CREB5: variants seen among roughly 807,000 people sequenced by gnomAD.
CREB5 encodes the protein cAMP responsive element binding protein 5.
In CREB5, 19 loss-of-function variants were observed where a neutral mutation model predicts 57.1. The ratio of observed to expected loss-of-function variants is 0.33; its 90% CI spans 0.23 to 0.49. The LOEUF is 0.49. Ranked by LOEUF, CREB5 falls within the 20% of genes least tolerant of loss-of-function variation. CREB5 has a pLI of 0.99. For missense variants in CREB5, 579 were observed against 671.6 expected (o/e 0.86, Z 1.52); for synonymous variants, 238 against 238.3 (o/e 1.00, Z 0.01).
At chr7:28,299,845 C>T (rs1785069286) in intron 1 of CREB5, among the ~76,000 whole-genome samples, 1 of 152,282 alleles carries the variant, frequency 6.6e-6, no homozygotes, top group South Asian at 2.1e-4. Flanking sequence ...CTAATATACA[C>T]ATTGGATAAT....
Position 28,373,327 on chromosome 7 carries a change from G to T in CREB5, c.-25+73886G>T, listed in dbSNP as rs184364061. ...AGAAGTATATTAGAAATTGCTGTTT[G>T]TTTGGTTTTTTAAATGGTACACATT... On this transcript the variant is annotated intron_variant, in intron 1 of 9. Transcript: ENST00000396299. Among the ~76,000 whole-genome samples the T allele has an allele frequency of 1.1e-3, 166 of 152,220 alleles. 1 individual carries two copies. Among genetic ancestry groups the T allele is most frequent in the African/African-American group, 3.8e-3 (159 of 41,532 alleles).
At chr7:28,784,254 G>A (rs1807174823) in intron 7 of CREB5, among the ~76,000 whole-genome samples, 2 of 152,232 alleles carry the variant, frequency 1.3e-5, no homozygotes, top group Admixed American at 6.5e-5. Context: ...GAGAGAGACA[G>A]CTTGACACAG....
chr7:28,587,401 C>G (rs969476774), intron 5 of CREB5, among the ~76,000 whole-genome samples: 1 of 152,110 alleles, frequency 6.6e-6, no homozygotes, highest in African/African-American at 2.4e-5. Context: ...CTCAGCCTCA[C>G]CTCACCATTG....
chr7:28,551,984 TC>T (rs1229103840), intron 4 of CREB5, among the ~76,000 whole-genome samples: 5 of 86,624 alleles, frequency 5.8e-5, no homozygotes, highest in African/African-American at 2.6e-4. Context: ...TTTCTCTCTC[TC>T]TTTCTCTCTT....
intron 7 of CREB5, among the ~76,000 whole-genome samples, chr7:28,729,736 G>GAAT (rs3831525): frequency 0.4 from 60,275 of 151,902 alleles, 12,180 homozygotes; most frequent in Middle Eastern, 0.44. Context: ...AGCAATGAAT[G>GAAT]AATAGGCTGT....
intron 3 of CREB5, among the ~76,000 whole-genome samples, chr7:28,500,985 A>G (rs1410476891): frequency 1.3e-5 from 2 of 152,088 alleles, no homozygotes; most frequent in Non-Finnish European, 2.9e-5. Context: ...TGGTAATAAT[A>G]CTAGCTACCA....
chr7:28,438,462 G>T (rs911082745), intron 1 of CREB5, among the ~76,000 whole-genome samples: 2 of 151,996 alleles, frequency 1.3e-5, no homozygotes, highest in African/African-American at 2.4e-5. Context: ...ATATTTGAAA[G>T]ATTTTTTTTC....
At chr7:28,489,878 A>T (rs902365494) in intron 2 of CREB5, among the ~76,000 whole-genome samples, 1 of 152,238 alleles carries the variant, frequency 6.6e-6, no homozygotes, top group Non-Finnish European at 1.5e-5. Flanking sequence ...AAACAGAGTG[A>T]TAAGTAACTG....
chr7:28,564,070 G>A (rs768961462), intron 4 of CREB5, among the ~76,000 whole-genome samples: 2 of 141,334 alleles, frequency 1.4e-5, no homozygotes, highest in African/African-American at 5.3e-5. Context: ...GCTTCCAGAG[G>A]GTTAGAACCT....
chr7:28,605,042 A>C (rs1797077108), intron 5 of CREB5, among the ~76,000 whole-genome samples: 1 of 152,100 alleles, frequency 6.6e-6, no homozygotes, highest in South Asian at 2.1e-4. Context: ...GCCCTTTCTC[A>C]TTAAAAAAAA....
At chr7:28,303,290 G>C (rs1430487459) in intron 1 of CREB5, among the ~76,000 whole-genome samples, 1 of 152,170 alleles carries the variant, frequency 6.6e-6, no homozygotes, top group Non-Finnish European at 1.5e-5. Context: ...CATAATTTTT[G>C]AGGCCAGTTG....
intron 1 of CREB5, among the ~76,000 whole-genome samples, chr7:28,299,718 A>G (rs1310313088): frequency 6.6e-6 from 1 of 152,242 alleles, no homozygotes; most frequent in Non-Finnish European, 1.5e-5. Context: ...GTTATTCACT[A>G]GCATTGATTG....
intron 7 of CREB5, among the ~76,000 whole-genome samples, chr7:28,781,993 T>C (rs1378425730): frequency 7.0e-6 from 1 of 143,734 alleles, no homozygotes; most frequent in Non-Finnish European, 1.5e-5. Flanking sequence ...CTCAAACTCT[T>C]GGCCTCACGA....
At chr7:28,514,313 C>T (rs1446609857) in intron 4 of CREB5, among the ~76,000 whole-genome samples, 2 of 152,172 alleles carry the variant, frequency 1.3e-5, no homozygotes, top group South Asian at 2.1e-4. Context: ...AGACGAATGT[C>T]TCCTAGCCTG....
At chr7:28,485,487 G>T (rs1311381343) in intron 1 of CREB5, among the ~76,000 whole-genome samples, 1 of 152,002 alleles carries the variant, frequency 6.6e-6, no homozygotes, top group East Asian at 1.9e-4. Flanking sequence ...TTAGAGTGAA[G>T]TTTCGGTAAC....
intron 1 of CREB5, among the ~76,000 whole-genome samples, chr7:28,402,840 A>C (rs1787500688): frequency 6.6e-6 from 1 of 152,240 alleles, no homozygotes; most frequent in African/African-American, 2.4e-5. Context: ...TAATTAAACT[A>C]AAGAGCTTCT....
intron 5 of CREB5, among the ~76,000 whole-genome samples, chr7:28,621,587 A>G (rs991890312): frequency 2.6e-5 from 4 of 152,170 alleles, no homozygotes; most frequent in African/African-American, 9.7e-5. Context: ...CACAGCCAGT[A>G]TCACTAGCCT....
intron 1 of CREB5, among the ~76,000 whole-genome samples, chr7:28,472,169 T>C (rs911951802): frequency 7.6e-6 from 1 of 131,820 alleles, no homozygotes. Flanking sequence ...AAAAAAAACA[T>C]AGTAATGAGA....
rs775983457 is a variant in CREB5 at position 28,488,252 on chromosome 7, T to G, written c.75+6T>G. 1 of 1,613,362 alleles carries G rather than the reference T, an allele frequency of 6.2e-7. No homozygotes were observed. Among genetic ancestry groups the G allele is most frequent in the Admixed American group, 1.7e-5 (1 of 59,944 alleles). On this transcript the variant is annotated splice_donor_region_variant and intron_variant, in intron 2 of 10. Coordinates refer to ENST00000357727, the MANE Select transcript of CREB5 (RefSeq NM_182898.4). ...GTGCCCCAGGCTGCTCCCAGGTGAG[T>G]GTGCGGATCCTCCCTGCTCTGACAT...
Sources: gnomAD v4.1 joint callset for allele counts (sites outside exome capture counted in the v4.1 genomes callset) on GRCh38, gnomAD v4.1.1 for gene constraint, MANE v1.5 for transcripts, NCBI Gene and HGNC (gene_info 2026-07-23, HGNC 2026-07-21) for gene names.